Variants in CGNL1 observed in about 807,000 individuals in gnomAD.
CGNL1 encodes the protein cingulin like 1.
Under a neutral mutation model 141.2 loss-of-function variants are expected in CGNL1, and 132 were observed. The ratio of observed to expected loss-of-function variants is 0.93; its 90% CI spans 0.81 to 1.08. The LOEUF (loss-of-function observed/expected upper bound fraction) is 1.08. Ranked by LOEUF, CGNL1 falls within the 50% of genes least tolerant of loss-of-function variation. The probability of loss-of-function intolerance (pLI) is 0.00; values close to 1 mark genes in which losing one functional copy is unlikely to be tolerated. For missense variants in CGNL1, 1,870 were observed against 1,588.6 expected, an observed-to-expected ratio of 1.18 and a Z score of -3.01; for synonymous variants, 690 against 622.1, an observed-to-expected ratio of 1.11 and a Z score of -1.63.
rs549424883 is a variant in CGNL1, at chr15:57,436,174, C to G, written c.-15-1811C>G. Among the ~76,000 whole-genome samples, 6 of 152,164 alleles carry G rather than the reference C, an allele frequency of 3.9e-5. No individual in the cohort carries two copies. The East Asian group carries it at 9.6e-4, about 24-fold the overall frequency. ...CTGCCTTTCTAAAGTCCATTCTCCT[C>G]TCTCTTTTTACTAACAGAACATTGA... is the stretch of plus-strand genomic sequence containing the variant. On this transcript the variant is annotated intron_variant, in intron 1 of 18. Transcript: ENST00000281282.
At chr15:57,388,285 G>A (rs911857961) in intron 1 of CGNL1, among the ~76,000 whole-genome samples, 7 of 149,052 alleles carry the variant, frequency 4.7e-5, no homozygotes, top group Non-Finnish European at 7.4e-5. Context: ...AAACTCCGGA[G>A]TTGTCATTAG....
At chr15:57,545,863 C>T (rs138157755) in intron 17 of CGNL1, among the ~76,000 whole-genome samples, 163 bp downstream of exon 17, 10 of 152,286 alleles carry the variant, frequency 6.6e-5, no homozygotes, top group South Asian at 2.1e-4. Flanking sequence ...TTCTTGCCTA[C>T]GTAATTAGGG....
At chr15:57,531,879 T>A in intron 14 of CGNL1, 100 bp downstream of exon 14, 1 of 728,868 alleles carries the variant, frequency 1.4e-6, no homozygotes, top group Admixed American at 2.3e-5. Flanking sequence ...AGAGAAAAAT[T>A]CATGCCATCT....
chr15:57,469,010 T>G (rs574463463), intron 8 of CGNL1, among the ~76,000 whole-genome samples: 2 of 152,324 alleles, frequency 1.3e-5, no homozygotes, highest in Admixed American at 1.3e-4. Flanking sequence ...TAAACCCCTT[T>G]CTTTTGTAAA....
chr15:57,517,859 C>CT (rs1312113472), intron 9 of CGNL1, among the ~76,000 whole-genome samples: 2 of 152,204 alleles, frequency 1.3e-5, no homozygotes, highest in African/African-American at 2.4e-5. Flanking sequence ...TCAACACATG[C>CT]TTTTTGGGGG....
chr15:57,518,115 G>T (rs551858535), intron 9 of CGNL1, among the ~76,000 whole-genome samples: 4 of 151,846 alleles, frequency 2.6e-5, no homozygotes, highest in Non-Finnish European at 4.4e-5. Context: ...TGACCAGCCA[G>T]AGCAATATAG....
chr15:57,531,580 T>A (rs2031953842), intron 13 of CGNL1, 110 bp from the exon 14 acceptor site: 2 of 706,758 alleles, frequency 2.8e-6, no homozygotes, highest in Admixed American at 2.2e-5. Flanking sequence ...CAAACTCTAA[T>A]GGTAGTTAGC....
At chr15:57,531,821 G>C in intron 14 of CGNL1, 42 bp downstream of exon 14, 1 of 1,291,134 alleles carries the variant, frequency 7.7e-7, no homozygotes, top group Middle Eastern at 1.8e-4. Flanking sequence ...TGTCCTGTGT[G>C]AAAAAGGAAC....
At chr15:57,444,273 GT>G (rs1186811950) in intron 4 of CGNL1, among the ~76,000 whole-genome samples, 1 of 151,954 alleles carries the variant, frequency 6.6e-6, no homozygotes, top group East Asian at 1.9e-4. Context: ...TGTACTCGTA[GT>G]TTTTTTTGGT....
At chr15:57,392,228 A>T (rs2062551790) in intron 1 of CGNL1, among the ~76,000 whole-genome samples, 1 of 152,094 alleles carries the variant, frequency 6.6e-6, no homozygotes, top group African/African-American at 2.4e-5. Context: ...TTTTCTTAGT[A>T]GGGGTGGGAG....
chr15:57,545,705 G>A lies in CGNL1; in HGVS notation c.3609+5G>A. ...TTGACTGATCAGAAGGACCAGGTGG[G>A]GAGCCTCTGCGTGCATTTGCTCTTA... is the stretch of plus-strand genomic sequence containing the variant. On this transcript the variant is annotated splice_donor_5th_base_variant and intron_variant, in intron 17 of 18. Transcript: ENST00000281282. The A allele has an allele frequency of 6.2e-7, 1 of 1,607,764 alleles. No homozygotes were observed. The highest frequency in any genetic ancestry group is 8.5e-7 in the Non-Finnish European group (1 of 1,176,100).
intron 8 of CGNL1, among the ~76,000 whole-genome samples, chr15:57,479,936 T>C (rs1382278288): frequency 1.3e-5 from 2 of 152,030 alleles, no homozygotes; most frequent in African/African-American, 4.8e-5. Context: ...CTGAAAGGTA[T>C]GAGAGGGTGA....
intron 8 of CGNL1, among the ~76,000 whole-genome samples, chr15:57,496,560 C>G (rs1423387067): frequency 6.6e-6 from 1 of 152,188 alleles, no homozygotes; most frequent in African/African-American, 2.4e-5. Flanking sequence ...CGAAACTGGT[C>G]CCTGGTGCCA....
chr15:57,490,171 G>A (rs1308029653), intron 8 of CGNL1, among the ~76,000 whole-genome samples: 7 of 152,128 alleles, frequency 4.6e-5, no homozygotes, highest in African/African-American at 1.7e-4. Flanking sequence ...TAGTGGCTGT[G>A]TTACTCTGCT....
intron 14 of CGNL1, among the ~76,000 whole-genome samples, chr15:57,539,278 C>T (rs752204546): frequency 4.6e-5 from 7 of 152,160 alleles, no homozygotes; most frequent in Non-Finnish European, 5.9e-5. Context: ...CCTCTACCTT[C>T]CCTTTGAGCT....
chr15:57,440,475 A>G lies in CGNL1; in HGVS notation c.1697+4A>G, dbSNP rs2063173071. The stretch of plus-strand genomic sequence containing the variant: ...TCTACAATTACCTCAAAGAAGGGTT[A>G]GTGATTTTCCCTCTGAAAGAGCAAA... On this transcript the variant is annotated splice_donor_region_variant and intron_variant, in intron 3 of 18. Transcript: ENST00000281282. 1 of 1,573,696 alleles carries G rather than the reference A, an allele frequency of 6.4e-7. No individual in the cohort carries two copies. The highest frequency in any genetic ancestry group is 1.3e-5 in the African/African-American group (1 of 74,196).
intron 1 of CGNL1, among the ~76,000 whole-genome samples, chr15:57,413,973 G>A (rs1473561508): frequency 6.6e-6 from 1 of 152,234 alleles, no homozygotes; most frequent in African/African-American, 2.4e-5. Context: ...TGGATCTCAT[G>A]AAGTTATTTG....
chr15:57,527,461 C>T (rs1345004964), intron 12 of CGNL1: 1 of 152,240 alleles, frequency 6.6e-6, no homozygotes, highest in African/African-American at 2.4e-5. Context: ...GAGACTAGCT[C>T]TACTCAATAC....
At chr15:57,406,101 A>AGTAT (rs1179384613) in intron 1 of CGNL1, 3 of 152,406 alleles carry the variant, frequency 2.0e-5, no homozygotes, top group African/African-American at 7.2e-5. Context: ...GCTAAGAGGA[A>AGTAT]GTATGGCCAG....
Sources: allele counts gnomAD v4.1 joint callset (sites outside exome capture counted in the v4.1 genomes callset), GRCh38; gene constraint gnomAD v4.1.1; transcripts MANE v1.5; gene names NCBI Gene and HGNC (gene_info 2026-07-23, HGNC 2026-07-21).